LRP1B: variants seen among roughly 807,000 people sequenced by gnomAD.
The protein encoded by LRP1B is LDL receptor related protein 1B, also known as low-density lipoprotein receptor-related protein 1B.
In LRP1B, 217 loss-of-function variants were observed where a neutral mutation model predicts 556.6. The observed-to-expected ratio is 0.39, with a 90% CI of 0.35 to 0.44. The LOEUF is 0.44. Among genes scored for constraint, LRP1B ranks in the 20% least tolerant of loss-of-function variants. The pLI, the probability that LRP1B is intolerant of heterozygous loss-of-function variation, is 1.00. For missense variants in LRP1B, 5,053 were observed against 5,620.8 expected, an observed-to-expected ratio of 0.90 and a Z score of 3.23; for synonymous variants, 2,047 against 1,865.8, an observed-to-expected ratio of 1.10 and a Z score of -2.50.
chr2:140,684,638 C>G (rs1256071388), intron 41 of LRP1B, among the ~76,000 whole-genome samples: 8 of 152,096 alleles, frequency 5.3e-5, no homozygotes, highest in African/African-American at 1.7e-4. Context: ...ATATACATTT[C>G]TATTATTCTG....
At chr2:140,860,019 TA>T (rs201900218) in intron 27 of LRP1B, among the ~76,000 whole-genome samples, 2 of 151,184 alleles carry the variant, frequency 1.3e-5, no homozygotes, top group African/African-American at 2.4e-5. Context: ...AAATAAAAAT[TA>T]AAAAAAAATT....
intron 11 of LRP1B, among the ~76,000 whole-genome samples, chr2:141,041,482 C>T (rs7582294): frequency 0.6 from 91,521 of 151,832 alleles, 30,104 homozygotes; most frequent in Non-Finnish European, 0.71. Context: ...TTGTATTATG[C>T]CATCCTCTTG....
At chr2:141,363,350 A>G (rs1400324637) in intron 3 of LRP1B, among the ~76,000 whole-genome samples, 1 of 152,102 alleles carries the variant, frequency 6.6e-6, no homozygotes, top group African/African-American at 2.4e-5. Context: ...TTCTTTCTCT[A>G]TTGAGGGCTG....
intron 84 of LRP1B, 76 bp from the exon 85 acceptor site, chr2:140,274,674 C>G: frequency 8.3e-7 from 1 of 1,202,986 alleles, no homozygotes; most frequent in Non-Finnish European, 1.2e-6. Context: ...TAAGGTGACC[C>G]TTTCATTTAT....
chr2:142,097,134 G>T (rs1706402528), intron 1 of LRP1B, among the ~76,000 whole-genome samples: 1 of 151,338 alleles, frequency 6.6e-6, no homozygotes, highest in South Asian at 2.1e-4. Flanking sequence ...CCTAATACTT[G>T]CAACTCCTCT....
chr2:141,651,500 C>A (rs1558781601), intron 2 of LRP1B, among the ~76,000 whole-genome samples: 2 of 152,144 alleles, frequency 1.3e-5, no homozygotes, highest in East Asian at 3.9e-4. Context: ...CCCATCTCTA[C>A]TAAAAATACA....
At chr2:141,578,314 T>A (rs2105274967) in intron 2 of LRP1B, among the ~76,000 whole-genome samples, 1 of 151,828 alleles carries the variant, frequency 6.6e-6, no homozygotes, top group South Asian at 2.1e-4. Context: ...GGAAAATCAC[T>A]TGAACCCAGG....
At chr2:142,112,823 C>T (rs1186850590) in intron 1 of LRP1B, among the ~76,000 whole-genome samples, 2 of 152,064 alleles carry the variant, frequency 1.3e-5, no homozygotes, top group Non-Finnish European at 1.5e-5. Flanking sequence ...ACACACAAGA[C>T]TCTCAAAGCC....
In LRP1B at chr2:141,055,299, C is replaced by T; in HGVS notation, c.1409-40G>A. On this transcript the variant is annotated intron_variant, in intron 9 of 90. Coordinates refer to ENST00000389484, the MANE Select transcript of LRP1B (RefSeq NM_018557.3). ...AAACAGCATGCGTGAAATTCAAGTT[C>T]AAAGATAAGATAACTATGTGCATCA... is the stretch of plus-strand genomic sequence containing the variant. The T allele has an allele frequency of 4.4e-6, 7 of 1,587,870 alleles. No homozygotes were observed. The South Asian group carries it at 8.0e-5, about 18-fold the overall frequency.
At chr2:142,112,976 T>C (rs1366988813) in intron 1 of LRP1B, among the ~76,000 whole-genome samples, 2 of 152,112 alleles carry the variant, frequency 1.3e-5, no homozygotes, top group African/African-American at 2.4e-5. Context: ...TAGATGCTAA[T>C]AAAAATAAGT....
chr2:140,240,916 G>A (rs1231963287), intron 87 of LRP1B, among the ~76,000 whole-genome samples: 1 of 150,904 alleles, frequency 6.6e-6, no homozygotes, highest in Non-Finnish European at 1.5e-5. Flanking sequence ...GGGCTTTATA[G>A]CCAGAGGATA....
chr2:141,387,546 C>A (rs1409317953), intron 3 of LRP1B, among the ~76,000 whole-genome samples: 1 of 151,970 alleles, frequency 6.6e-6, no homozygotes, highest in African/African-American at 2.4e-5. Flanking sequence ...TGCACATGAA[C>A]AAATTAGATA....
intron 1 of LRP1B, among the ~76,000 whole-genome samples, chr2:141,840,577 C>G (rs376349003): frequency 1.3e-5 from 2 of 152,058 alleles, no homozygotes; most frequent in Non-Finnish European, 2.9e-5. Flanking sequence ...AAATTTCATC[C>G]TTGGAGTGCT....
intron 32 of LRP1B, among the ~76,000 whole-genome samples, chr2:140,776,719 A>G (rs1489928832): frequency 6.6e-6 from 1 of 152,052 alleles, no homozygotes; most frequent in Non-Finnish European, 1.5e-5. Context: ...TAAGCTTTTG[A>G]TCATGTGTGC....
At chr2:141,987,549 G>GTTTTTTTTTTTTTTTTTTTTTTT (rs5834887) in intron 1 of LRP1B, among the ~76,000 whole-genome samples, 2 of 139,976 alleles carry the variant, frequency 1.4e-5, no homozygotes, top group Non-Finnish European at 1.5e-5. Context: ...GATTTAAGCT[G>GTTTTTTTTTTTTTTTTTTTTTTT]TTTTTTTTTT....
intron 6 of LRP1B, among the ~76,000 whole-genome samples, chr2:141,198,053 G>A (rs960289965): frequency 2.0e-5 from 3 of 151,990 alleles, no homozygotes; most frequent in African/African-American, 2.4e-5. Context: ...CATTTTCCTC[G>A]ATTTATGTAT....
chr2:141,544,310 C>CTTCTTCTTCTTCTTCTTCTT (rs1355528045), intron 2 of LRP1B, among the ~76,000 whole-genome samples: 1,728 of 18,772 alleles, frequency 0.092, 277 homozygotes, highest in South Asian at 0.14. Flanking sequence ...TCTTCTTCTT[C>CTTCTTCTTCTTCTTCTTCTT]TTCTTCTTCT....
chr2:140,914,297 G>A (rs958882392), intron 21 of LRP1B, among the ~76,000 whole-genome samples: 3 of 152,078 alleles, frequency 2.0e-5, no homozygotes, highest in Non-Finnish European at 4.4e-5. Context: ...GAATGGAATG[G>A]GTTATGTTGG....
At chr2:141,039,396 G>A (rs1698632156) in intron 11 of LRP1B, among the ~76,000 whole-genome samples, 1 of 151,966 alleles carries the variant, frequency 6.6e-6, no homozygotes, top group South Asian at 2.1e-4. Flanking sequence ...AGGTATGTGT[G>A]CATAAGAAAA....
Sources: gnomAD v4.1 joint callset for allele counts (sites outside exome capture counted in the v4.1 genomes callset) on GRCh38, gnomAD v4.1.1 for gene constraint, MANE v1.5 for transcripts, NCBI Gene and HGNC (gene_info 2026-07-23, HGNC 2026-07-21) for gene names.